EXOC3L2: variants seen among roughly 807,000 people sequenced by gnomAD.
EXOC3L2 encodes the protein exocyst complex component 3 like 2, also known as exocyst complex component 3-like protein 2.
A neutral mutation model predicts 44.4 loss-of-function variants in EXOC3L2; 17 were observed. The observed-to-expected ratio is 0.38, with a 90% CI of 0.26 to 0.57. EXOC3L2 has a LOEUF of 0.57. Ranked by LOEUF, EXOC3L2 falls within the 20% of genes least tolerant of loss-of-function variation. The pLI, the probability that EXOC3L2 is intolerant of heterozygous loss-of-function variation, is 0.65. For missense variants in EXOC3L2, 541 were observed against 588.4 expected, an observed-to-expected ratio of 0.92 and a Z score of 0.83; for synonymous variants, 256 against 253.7, an observed-to-expected ratio of 1.01 and a Z score of -0.09.
intron 2 of EXOC3L2, among the ~76,000 whole-genome samples, chr19:45,237,277 A>C (rs1970092032): frequency 6.6e-6 from 1 of 152,094 alleles, no homozygotes; most frequent in Non-Finnish European, 1.5e-5. Context: ...AGGCAGGAGG[A>C]TTACTTGAAG....
At chr19:45,221,703 T>C (rs61079153) in intron 8 of EXOC3L2, among the ~76,000 whole-genome samples, 2 of 147,552 alleles carry the variant, frequency 1.4e-5, no homozygotes, top group African/African-American at 5.1e-5. Context: ...GCTGGAGTGC[T>C]ACGGTGTGAA....
chr19:45,237,891 C>T (rs1970097707), intron 2 of EXOC3L2, among the ~76,000 whole-genome samples: 1 of 152,156 alleles, frequency 6.6e-6, no homozygotes, highest in African/African-American at 2.4e-5. Context: ...AGCCTGTAAT[C>T]CCAACATTTT....
At chr19:45,228,742 C>A (rs1036820408) in intron 4 of EXOC3L2, among the ~76,000 whole-genome samples, 1 of 149,558 alleles carries the variant, frequency 6.7e-6, no homozygotes, top group African/African-American at 2.5e-5. Flanking sequence ...ATTGCACTCC[C>A]GCCTGGGCAA....
rs929258112 is a variant in EXOC3L2 at position 45,212,952 on chromosome 19, G to T, written c.*117C>A. 9.2e-6 allele frequency: 11 copies of T among 1,192,218 alleles called. No individual in the cohort carries two copies. The highest frequency in any genetic ancestry group is 1.2e-5 in the Non-Finnish European group (11 of 900,668). The allele number at this position is 1,192,218 out of a possible 1,614,324, so 73.9% of individuals were successfully genotyped here. A position where few individuals can be genotyped will look rare whatever the true frequency, so the allele number is the denominator to read the frequency against. The stretch of plus-strand genomic sequence containing the variant: ...GGGGTTGGGTGAAAAGACATCTAAG[G>T]GTCTTTCTATCCCAGGGGTGTGTGG... On this transcript the variant is annotated 3_prime_UTR_variant, in exon 12 of 12. Coordinates refer to ENST00000413988, the MANE Select transcript of EXOC3L2 (RefSeq NM_001382422.1).
At chr19:45,216,376 C>G (rs543297028) in intron 10 of EXOC3L2, among the ~76,000 whole-genome samples, 182 bp from the exon 11 acceptor site, 4 of 152,036 alleles carry the variant, frequency 2.6e-5, no homozygotes, top group African/African-American at 7.2e-5. Context: ...GTCAGGACAT[C>G]GAGACCAACC....
chr19:45,222,303 G>A (rs1367679548), intron 8 of EXOC3L2, among the ~76,000 whole-genome samples: 2 of 150,732 alleles, frequency 1.3e-5, no homozygotes, highest in Admixed American at 6.6e-5. Flanking sequence ...ACGTTCAAGC[G>A]ATTCTCCTGC....
rs1008981627 is a variant in EXOC3L2, at chr19:45,238,051, T to G, written c.523+472A>C. The stretch of plus-strand genomic sequence containing the variant: ...TACTCGGGAGGCTGAGGCAGGAGAA[T>G]TGTTTGAACCCCAGAGGCAGAGGAT... On this transcript the variant is annotated intron_variant, in intron 2 of 11. Transcript: ENST00000413988. The surrounding 1 kb of genome is among the most constrained non-coding windows in gnomAD (Gnocchi z 5.5). Among the ~76,000 whole-genome samples the G allele has an allele frequency of 6.6e-6, 1 of 152,034 alleles. No homozygotes were observed. Among genetic ancestry groups the G allele is most frequent in the African/African-American group, 2.4e-5 (1 of 41,376 alleles).
chr19:45,240,442 A>G (rs1474342157), intron 1 of EXOC3L2, among the ~76,000 whole-genome samples: 1 of 152,100 alleles, frequency 6.6e-6, no homozygotes, highest in Non-Finnish European at 1.5e-5. Context: ...AGAGACAGAA[A>G]GGAGACTGAC....
rs1425152615 is a variant in EXOC3L2, at chr19:45,234,723, C to T, written c.627G>A (p.Ala209=). 5.1e-6 allele frequency: 2 copies of T among 392,352 alleles called. No homozygotes were observed. The highest frequency in any genetic ancestry group is 9.0e-6 in the Non-Finnish European group (2 of 222,062). 24.3% of individuals were successfully genotyped at this position (392,352 alleles called of 1,614,324 possible). ...AEELAPSRGG[A]PGPPKAEGAG... is the part of the protein sequence containing the mutation. ...CGCCCTCGGCCTTGGGAGGCCCAGG[C>T]GCGCCGCCCCTCGACGGCGCCAGCT... Residue 209 remains alanine (A), a synonymous_variant, in exon 3 of 12, where the codon GCG becomes GCA. Transcript: ENST00000413988. The surrounding 1 kb of genome is among the most constrained non-coding windows in gnomAD (Gnocchi z 5.0).
Position 45,227,731 on chromosome 19 carries a change from A to G in EXOC3L2, c.1514T>C (p.Val505Ala), listed in dbSNP as rs914527127. The G allele has an allele frequency of 3.1e-6, 5 of 1,612,814 alleles. No homozygotes were observed. Among genetic ancestry groups the G allele is most frequent in the Non-Finnish European group, 4.2e-6 (5 of 1,179,794 alleles). Residue 505 changes from valine (V) to alanine (A), a missense_variant, in exon 7 of 12, where the codon GTC (valine) becomes GCC (alanine). Physicochemically the swap from Val to Ala is moderately conservative, Grantham distance 64 (BLOSUM62 0). Coordinates refer to ENST00000413988, the MANE Select transcript of EXOC3L2 (RefSeq NM_001382422.1). ...RVERFHENPA[V>A]REMLPDTYIS... ...ATAGGTGTCAGGTAGCATCTCCCGG[A>G]CTGCTGGGTTCTCATGGAATCGCTC...
intron 6 of EXOC3L2, 27 bp from the exon 7 acceptor site, chr19:45,227,799 G>C (rs1262624862): frequency 1.3e-6 from 2 of 1,594,190 alleles, no homozygotes; most frequent in South Asian, 2.3e-5. Flanking sequence ...GGACAGATAG[G>C]GCGCCACTGG....
chr19:45,237,009 GA>G (rs796623483), intron 2 of EXOC3L2, among the ~76,000 whole-genome samples: 4,522 of 122,438 alleles, frequency 0.037, 208 homozygotes, highest in African/African-American at 0.11. Context: ...TGTCTCAAAG[GA>G]AAAAAAAAAA....
chr19:45,232,800 G>A (rs112225752), intron 3 of EXOC3L2, among the ~76,000 whole-genome samples: 1,578 of 152,270 alleles, frequency 0.01, 29 homozygotes, highest in African/African-American at 0.034. Context: ...AAACTGGCCC[G>A]GGCATGGTGG....
chr19:45,224,751 C>G lies in EXOC3L2; in HGVS notation c.1719+27G>C, dbSNP rs1969936861. The G allele has an allele frequency of 1.9e-6, 3 of 1,544,676 alleles. No individual in the cohort carries two copies. The Admixed American group carries it at 6.0e-5, about 31-fold the overall frequency. ...GCGCTTCCCTGTCCTGGCATGGGCC[C>G]CAACCCTGGCCTCCCACCTCACTCA... On this transcript the variant is annotated intron_variant, in intron 8 of 11. Coordinates refer to ENST00000413988, the MANE Select transcript of EXOC3L2 (RefSeq NM_001382422.1).
At chr19:45,224,218 G>A (rs1299549249) in intron 8 of EXOC3L2, among the ~76,000 whole-genome samples, 1 of 152,046 alleles carries the variant, frequency 6.6e-6, no homozygotes, top group African/African-American at 2.4e-5. Flanking sequence ...GAGAAGGAGA[G>A]TAGTGAGGGA....
At chr19:45,239,394 T>C (rs1372590818) in intron 1 of EXOC3L2, among the ~76,000 whole-genome samples, 4 of 149,832 alleles carry the variant, frequency 2.7e-5, no homozygotes, top group African/African-American at 9.9e-5. Flanking sequence ...ACTTTTGTAT[T>C]TTTAGTAGAG....
rs1969848813 is a variant in EXOC3L2 at position 45,217,563 on chromosome 19, C to T, written c.1963G>A (p.Asp655Asn). ...RSRVAGRLRE[D>N]AAQLQRLFRR... ...AACAGCCTCTGCAGTTGCGCCGCGT[C>T]CTCCCGGAGCCTGCCGGCCACGCGG... Residue 655 changes from aspartate (D) to asparagine (N), a missense_variant, in exon 10 of 12, where the codon GAC (aspartate) becomes AAC (asparagine). Asp to Asn is a conservative substitution (Grantham distance 23). Coordinates refer to ENST00000413988, the MANE Select transcript of EXOC3L2 (RefSeq NM_001382422.1). The T allele has an allele frequency of 6.4e-6, 10 of 1,560,884 alleles. No individual in the cohort carries two copies. The highest frequency in any genetic ancestry group is 8.6e-6 in the Non-Finnish European group (10 of 1,160,666).
Position 45,224,899 on chromosome 19 carries a change from C to T in EXOC3L2, c.1598G>A (p.Arg533His), listed in dbSNP as rs765643980. Residue 533 changes from arginine (R) to histidine (H), a missense_variant, in exon 8 of 12, where the codon CGC becomes CAC. By Grantham distance (29) the Arg-to-His change is conservative. Transcript: ENST00000413988. ...TTCTGGGGGCCCCACCCGGGCCAGG[C>T]GCTCGGCCAGAGCTCTGTGGGGATC... ...CGPPLRALAE[R>H]LARVGPPESE... is the part of the protein sequence containing the mutation. 79 of 1,553,390 alleles carry T rather than the reference C, an allele frequency of 5.1e-5. No individual in the cohort carries two copies. In the Middle Eastern group the frequency reaches 1.6e-3, roughly 31 times the overall value.
intron 7 of EXOC3L2, among the ~76,000 whole-genome samples, chr19:45,225,176 G>A (rs1568481573): frequency 6.8e-6 from 1 of 148,146 alleles, no homozygotes; most frequent in African/African-American, 2.5e-5. Context: ...TATATTGGGG[G>A]AGGGAAGGGG....
Sources: gnomAD v4.1 joint callset for allele counts (sites outside exome capture counted in the v4.1 genomes callset) on GRCh38, gnomAD v4.1.1 for gene constraint, Gnocchi (gnomAD v3.1) non-coding constraint, MANE v1.5 for transcripts, NCBI Gene and HGNC (gene_info 2026-07-23, HGNC 2026-07-21) for gene names.